CSMD1: variants seen among roughly 807,000 people sequenced by gnomAD.
The protein encoded by CSMD1 is CUB and sushi domain-containing protein 1.
Under a neutral mutation model 417.5 loss-of-function variants are expected in CSMD1, and 213 were observed. That is an observed-to-expected ratio of 0.51 (90% CI 0.46 to 0.57). CSMD1 has a LOEUF of 0.57. Ranked by LOEUF, CSMD1 falls within the 20% of genes least tolerant of loss-of-function variation. CSMD1 has a pLI of 0.00. For synonymous variants in CSMD1, 2,862 were observed against 1,736.8 expected, an observed-to-expected ratio of 1.65 and a Z score of -16.11; for missense variants, 6,923 against 4,529.7, an observed-to-expected ratio of 1.53 and a Z score of -15.17.
intron 10 of CSMD1, among the ~76,000 whole-genome samples, chr8:3,539,680 C>G (rs561558893): frequency 6.6e-6 from 1 of 150,664 alleles, no homozygotes; most frequent in South Asian, 2.1e-4. Context: ...CACTAAGAAC[C>G]AAATCAAGTG....
At chr8:4,590,922 G>A (rs1480042338) in intron 2 of CSMD1, among the ~76,000 whole-genome samples, 1 of 152,134 alleles carries the variant, frequency 6.6e-6, no homozygotes, top group Non-Finnish European at 1.5e-5. Flanking sequence ...ATGCTCTCAG[G>A]CCTTCTGAGC....
intron 6 of CSMD1, among the ~76,000 whole-genome samples, chr8:3,742,848 G>C (rs7815167): frequency 0.14 from 21,178 of 152,252 alleles, 1,645 homozygotes; most frequent in African/African-American, 0.2. Flanking sequence ...TCACTGTGAA[G>C]AGTTACTTCT....
At chr8:4,391,892 G>C (rs1161029694) in intron 3 of CSMD1, among the ~76,000 whole-genome samples, 2 of 152,176 alleles carry the variant, frequency 1.3e-5, no homozygotes, top group Non-Finnish European at 2.9e-5. Context: ...TCTGCCGAGA[G>C]CTTCTTTTCA....
intron 3 of CSMD1, among the ~76,000 whole-genome samples, chr8:4,208,018 A>T (rs1359066523): frequency 6.6e-6 from 1 of 152,160 alleles, no homozygotes. Flanking sequence ...CTAAAAGTCC[A>T]ACAGTAGGAG....
chr8:3,693,712 G>A (rs1392246945), intron 7 of CSMD1, among the ~76,000 whole-genome samples: 1 of 152,136 alleles, frequency 6.6e-6, no homozygotes, highest in Non-Finnish European at 1.5e-5. Flanking sequence ...ATTAGAAAAT[G>A]TATGTGTTGT....
intron 37 of CSMD1, among the ~76,000 whole-genome samples, chr8:3,167,855 G>T (rs1264111319): frequency 1.3e-5 from 2 of 152,080 alleles, no homozygotes. Flanking sequence ...AATCCATCAG[G>T]CAAAATTCTG....
chr8:4,944,696 A>T (rs1808249261), intron 1 of CSMD1, among the ~76,000 whole-genome samples: 1 of 152,182 alleles, frequency 6.6e-6, no homozygotes, highest in East Asian at 1.9e-4. Flanking sequence ...ATCACCTCAC[A>T]CCCACGCAGA....
intron 41 of CSMD1, among the ~76,000 whole-genome samples, chr8:3,139,979 T>C (rs189316245): frequency 2.6e-5 from 4 of 151,166 alleles, no homozygotes; most frequent in African/African-American, 9.7e-5. Flanking sequence ...CTTGGCTCAC[T>C]GCAACCTCCG....
In CSMD1 at chr8:3,973,134, A is replaced by G. The variant is rs137992505; in HGVS notation, c.818+24769T>C. Among the ~76,000 whole-genome samples, 90 of 152,366 alleles carry G rather than the reference A, an allele frequency of 5.9e-4. 2 individuals are homozygous for G. In the East Asian group the frequency reaches 0.016, roughly 28 times the overall value. On this transcript the variant is annotated intron_variant, in intron 5 of 69. Coordinates refer to ENST00000635120, the MANE Select transcript of CSMD1 (RefSeq NM_033225.6). Reference sequence around the variant, plus strand: ...TCTTGACAGTTGGAAAGTTATGAAAATAAAATTCTAACGAATCCATGTTTT... The same window carrying G: ...TCTTGACAGTTGGAAAGTTATGAAAGTAAAATTCTAACGAATCCATGTTTT...
At chr8:4,192,796 C>A (rs911410082) in intron 3 of CSMD1, among the ~76,000 whole-genome samples, 4 of 152,194 alleles carry the variant, frequency 2.6e-5, no homozygotes, top group African/African-American at 9.6e-5. Context: ...CAGGCTCAAA[C>A]ACAACCTCCT....
chr8:4,201,963 G>C (rs1185738030), intron 3 of CSMD1, among the ~76,000 whole-genome samples: 1 of 150,438 alleles, frequency 6.6e-6, no homozygotes, highest in Non-Finnish European at 1.5e-5. Flanking sequence ...CCCTGAGACA[G>C]AAAACAAAAA....
intron 3 of CSMD1, among the ~76,000 whole-genome samples, chr8:4,261,846 G>A (rs1012642497): frequency 1.3e-5 from 2 of 152,040 alleles, no homozygotes; most frequent in Non-Finnish European, 2.9e-5. Context: ...TAAAGATTTT[G>A]TTCATTATAC....
intron 3 of CSMD1, among the ~76,000 whole-genome samples, chr8:4,108,565 T>C (rs1801689316): frequency 6.6e-6 from 1 of 152,202 alleles, no homozygotes; most frequent in African/African-American, 2.4e-5. Flanking sequence ...CACCATCCAC[T>C]GATATGCCAT....
At chr8:4,203,509 G>C (rs549606420) in intron 3 of CSMD1, among the ~76,000 whole-genome samples, 1 of 152,268 alleles carries the variant, frequency 6.6e-6, no homozygotes, top group East Asian at 1.9e-4. Flanking sequence ...GCAAACGGAA[G>C]ACTTTCTGTG....
chr8:3,434,889 C>G (rs1020019834), intron 12 of CSMD1, among the ~76,000 whole-genome samples: 1 of 152,184 alleles, frequency 6.6e-6, no homozygotes, highest in Non-Finnish European at 1.5e-5. Flanking sequence ...CAGGAAATAT[C>G]GGGAATACTT....
intron 2 of CSMD1, among the ~76,000 whole-genome samples, chr8:4,491,914 T>C (rs777079367): frequency 3.9e-5 from 6 of 152,106 alleles, no homozygotes; most frequent in Non-Finnish European, 8.8e-5. Context: ...ACAAAATCTT[T>C]ACAAAATATT....
chr8:2,953,695 C>G (rs1041159062), intron 65 of CSMD1, among the ~76,000 whole-genome samples: 1 of 152,142 alleles, frequency 6.6e-6, no homozygotes, highest in African/African-American at 2.4e-5. Flanking sequence ...TTGCGATTTG[C>G]TATATAATGC....
At chr8:3,598,758 C>A (rs112285398) in intron 8 of CSMD1, among the ~76,000 whole-genome samples, 30 of 152,196 alleles carry the variant, frequency 2.0e-4, no homozygotes, top group African/African-American at 6.7e-4. Context: ...CCCGCCCCTT[C>A]TTTTGAGAAC....
chr8:3,436,000 G>T (rs963662167), intron 12 of CSMD1, among the ~76,000 whole-genome samples: 1 of 152,084 alleles, frequency 6.6e-6, no homozygotes, highest in African/African-American at 2.4e-5. Flanking sequence ...GCTCTCTTCT[G>T]GGACACATCC....
Sources: gnomAD v4.1 joint callset for allele counts (sites outside exome capture counted in the v4.1 genomes callset) on GRCh38, gnomAD v4.1.1 for gene constraint, MANE v1.5 for transcripts, NCBI Gene and HGNC (gene_info 2026-07-23, HGNC 2026-07-21) for gene names.